ZBBX: variants seen among roughly 807,000 people sequenced by gnomAD.
The protein encoded by ZBBX is zinc finger B-box domain-containing protein 1.
In ZBBX, 101 loss-of-function variants were observed where a neutral mutation model predicts 108.5. The ratio of observed to expected loss-of-function variants is 0.93; its 90% CI spans 0.79 to 1.10. The LOEUF (loss-of-function observed/expected upper bound fraction) is 1.10. ZBBX is among the 50% of genes least tolerant of loss of function. ZBBX has a pLI of 0.00. For synonymous variants in ZBBX, 356 were observed against 323.4 expected (o/e 1.10, Z -1.08); for missense variants, 1,009 against 941.4 (o/e 1.07, Z -0.94).
chr3:167,288,051 A>G (rs936317432), intron 19 of ZBBX, among the ~76,000 whole-genome samples: 2 of 152,084 alleles, frequency 1.3e-5, no homozygotes, highest in South Asian at 2.1e-4. Flanking sequence ...TGTGAGCTCA[A>G]TAAGATCAGG....
chr3:167,323,924 T>C (rs1736913172), intron 11 of ZBBX, among the ~76,000 whole-genome samples: 1 of 152,002 alleles, frequency 6.6e-6, no homozygotes, highest in Non-Finnish European at 1.5e-5. Context: ...TAGAAGGAAA[T>C]GAGATTTTAG....
intron 20 of ZBBX, among the ~76,000 whole-genome samples, chr3:167,243,411 T>G (rs1219814873): frequency 6.6e-6 from 1 of 152,164 alleles, no homozygotes; most frequent in Non-Finnish European, 1.5e-5. Context: ...TCCCTTTTTT[T>G]TTTTTAGACA....
chr3:167,294,571 A>G (rs544537658), intron 18 of ZBBX, among the ~76,000 whole-genome samples: 12 of 152,274 alleles, frequency 7.9e-5, no homozygotes, highest in Non-Finnish European at 1.2e-4. Context: ...ATTTAAATGT[A>G]AGAACGAAAA....
intron 19 of ZBBX, among the ~76,000 whole-genome samples, chr3:167,284,010 C>T (rs1729273309): frequency 6.6e-6 from 1 of 151,844 alleles, no homozygotes; most frequent in African/African-American, 2.4e-5. Flanking sequence ...TTAAAATTGG[C>T]CAAGGTAAGT....
upstream of ZBBX, chr3:167,381,411 T>C (rs530691899): frequency 2.0e-5 from 3 of 152,308 alleles, no homozygotes; most frequent in African/African-American, 7.2e-5. Flanking sequence ...TAATGTAGTA[T>C]GGAAGAGTAA....
In ZBBX at chr3:167,329,137, C is replaced by T. The variant is rs868773425; in HGVS notation, c.688-1021G>A. Reference sequence around the variant, plus strand: ...TGGTTGTGGAGAGATGAATTCAGTACAAAATATAAATCCAGTCCAAGCACA... The same window carrying T: ...TGGTTGTGGAGAGATGAATTCAGTATAAAATATAAATCCAGTCCAAGCACA... On this transcript the variant is annotated intron_variant, in intron 10 of 21. Transcript: ENST00000675490. Among the ~76,000 whole-genome samples the T allele has an allele frequency of 2.0e-5, 3 of 151,994 alleles. No individual in the cohort carries two copies. The South Asian group carries it at 6.2e-4, about 32-fold the overall frequency.
chr3:167,322,386 A>G (rs1028111232), intron 11 of ZBBX, 149 bp from the exon 12 acceptor site: 6 of 558,504 alleles, frequency 1.1e-5, no homozygotes, highest in Admixed American at 9.0e-5. Flanking sequence ...TAAATAATGC[A>G]AAAGTATTAA....
intron 9 of ZBBX, among the ~76,000 whole-genome samples, chr3:167,350,082 GAAAT>G (rs1742364166): frequency 6.6e-6 from 1 of 151,822 alleles, no homozygotes; most frequent in Admixed American, 6.6e-5. Context: ...AAAAACTATA[GAAAT>G]AATATTTAAA....
intron 20 of ZBBX, chr3:167,252,096 G>T: frequency 8.0e-7 from 1 of 1,251,694 alleles, no homozygotes; most frequent in Non-Finnish European, 1.0e-6. Flanking sequence ...ATCAGCCACA[G>T]CAATTTGAAT....
At chr3:167,255,040 C>T (rs1488842961) in intron 20 of ZBBX, among the ~76,000 whole-genome samples, 1 of 151,924 alleles carries the variant, frequency 6.6e-6, no homozygotes, top group Non-Finnish European at 1.5e-5. Context: ...TGATATTATC[C>T]TCGGCCAATT....
intron 9 of ZBBX, among the ~76,000 whole-genome samples, chr3:167,342,034 A>G (rs1740625490): frequency 6.6e-6 from 1 of 151,870 alleles, no homozygotes; most frequent in Non-Finnish European, 1.5e-5. Flanking sequence ...CTACATAAGG[A>G]AGAAATTTCA....
At chr3:167,317,961 C>T in intron 12 of ZBBX, among the ~76,000 whole-genome samples, 1 of 152,128 alleles carries the variant, frequency 6.6e-6, no homozygotes, top group Non-Finnish European at 1.5e-5. Flanking sequence ...AGTTCACAGT[C>T]TTGGCATTGT....
At chr3:167,248,900 C>T (rs1483687802) in intron 20 of ZBBX, among the ~76,000 whole-genome samples, 3 of 152,256 alleles carry the variant, frequency 2.0e-5, no homozygotes, top group East Asian at 1.9e-4. Flanking sequence ...TATCCATGGC[C>T]GGCACCTGCC....
chr3:167,253,026 T>C (rs1256554138), intron 20 of ZBBX, among the ~76,000 whole-genome samples: 1 of 152,232 alleles, frequency 6.6e-6, no homozygotes, highest in Non-Finnish European at 1.5e-5. Flanking sequence ...TTATGTTTGA[T>C]TTTTAATAAT....
rs78960033 is a variant in ZBBX at position 167,331,451 on chromosome 3, T to C, written c.687+2376A>G. The C allele has an allele frequency of 2.5e-3, 1,365 of 546,070 alleles. 16 individuals are homozygous for C. In the African/African-American group the frequency reaches 0.027, roughly 11 times the overall value. 33.8% of individuals were successfully genotyped at this position (546,070 alleles called of 1,614,324 possible). A position where few individuals can be genotyped will look rare whatever the true frequency, so the allele number is the denominator to read the frequency against. ...AAGCATTGAAAACTCAGTGGCTTAA[T>C]ACAAAATGATTTCAACATGCAGCAA... On this transcript the variant is annotated intron_variant, in intron 10 of 21. Coordinates refer to ENST00000675490, the MANE Select transcript of ZBBX (RefSeq NM_001199201.2).
At chr3:167,284,755 G>T (rs528847583) in intron 19 of ZBBX, among the ~76,000 whole-genome samples, 1 of 152,242 alleles carries the variant, frequency 6.6e-6, no homozygotes, top group East Asian at 1.9e-4. Flanking sequence ...TGCTCAAAGT[G>T]TAATTTAAAG....
chr3:167,358,780 C>T (rs1397850374), intron 8 of ZBBX, among the ~76,000 whole-genome samples: 1 of 151,162 alleles, frequency 6.6e-6, no homozygotes, highest in African/African-American at 2.4e-5. Flanking sequence ...ACTAAAAATA[C>T]AAAAAATTAG....
chr3:167,329,031 A>G (rs1200651024), intron 10 of ZBBX, among the ~76,000 whole-genome samples: 1 of 152,188 alleles, frequency 6.6e-6, no homozygotes, highest in South Asian at 2.1e-4. Flanking sequence ...GGCACAAAGT[A>G]GGTGTTCATT....
intron 16 of ZBBX, 116 bp downstream of exon 16, chr3:167,313,858 T>C: frequency 1.1e-6 from 1 of 910,298 alleles, no homozygotes; most frequent in Non-Finnish European, 1.6e-6. Flanking sequence ...ATTTTCATTT[T>C]AGTACTGAGG....
Sources: allele counts gnomAD v4.1 joint callset (sites outside exome capture counted in the v4.1 genomes callset), GRCh38; gene constraint gnomAD v4.1.1; transcripts MANE v1.5; gene names NCBI Gene and HGNC (gene_info 2026-07-23, HGNC 2026-07-21).